MTFR1: variants seen among roughly 807,000 people sequenced by gnomAD.
The protein encoded by MTFR1 is chondrocyte protein with a poly-proline region.
Under a neutral mutation model 38.8 loss-of-function variants are expected in MTFR1, and 28 were observed. That is an observed-to-expected ratio of 0.72 (90% CI 0.53 to 0.99). The LOEUF (loss-of-function observed/expected upper bound fraction) is 0.99. Ranked by LOEUF, MTFR1 falls within the 50% of genes least tolerant of loss-of-function variation. The pLI, the probability that MTFR1 is intolerant of heterozygous loss-of-function variation, is 0.00. For missense variants in MTFR1, 358 were observed against 395.5 expected, an observed-to-expected ratio of 0.91 and a Z score of 0.81; for synonymous variants, 145 against 137.0, an observed-to-expected ratio of 1.06 and a Z score of -0.41.
At chr8:65,705,495 A>G (rs934850505) in intron 5 of MTFR1, among the ~76,000 whole-genome samples, 1 of 152,192 alleles carries the variant, frequency 6.6e-6, no homozygotes, top group Non-Finnish European at 1.5e-5. Flanking sequence ...TTGAATTGCT[A>G]TATAGTGGAT....
chr8:65,758,740 G>A (rs865935050), intron 3 of MTFR1, among the ~76,000 whole-genome samples: 9 of 152,194 alleles, frequency 5.9e-5, no homozygotes, highest in African/African-American at 2.2e-4. Context: ...TCTGACAACT[G>A]TTGGCCACCG....
chr8:65,689,595 C>T (rs1466586812), intron 3 of MTFR1: 3 of 1,276,140 alleles, frequency 2.4e-6, no homozygotes, highest in Non-Finnish European at 3.0e-6. Context: ...TGCTGGGAAC[C>T]TTCAGTAAGT....
chr8:65,646,180 C>T (rs10102573), intron 1 of MTFR1, among the ~76,000 whole-genome samples: 4,678 of 152,128 alleles, frequency 0.031, 248 homozygotes, highest in African/African-American at 0.11. Context: ...TTGTTTCCAC[C>T]TACTCATTTA....
rs558004401 is a variant in MTFR1, at chr8:65,669,809, T to C, written c.-80-64T>C. 1.7e-4 allele frequency: 126 copies of C among 723,382 alleles called. No homozygotes were observed. The South Asian group carries it at 2.1e-3, about 12-fold the overall frequency. The allele number at this position is 723,382 out of a possible 1,614,324, so 44.8% of individuals were successfully genotyped here. A position where few individuals can be genotyped will look rare whatever the true frequency, so the allele number is the denominator to read the frequency against. The stretch of plus-strand genomic sequence containing the variant: ...TGTTTTAGGCTTGCTCTGTGAGACA[T>C]GTAGACAGTACAAATTCTAAATAAT... On this transcript the variant is annotated intron_variant, in intron 1 of 7. Transcript: ENST00000262146.
intron 3 of MTFR1, among the ~76,000 whole-genome samples, chr8:65,757,605 T>C (rs1122354): frequency 0.095 from 14,265 of 149,470 alleles, 1,698 homozygotes; most frequent in East Asian, 0.5. Flanking sequence ...ACTTTGTTTT[T>C]GTTTTGTTTT....
At chr8:65,660,506 AAGAG>A (rs917754635) in intron 1 of MTFR1, among the ~76,000 whole-genome samples, 1 of 152,016 alleles carries the variant, frequency 6.6e-6, no homozygotes, top group Admixed American at 6.6e-5. Flanking sequence ...ATAAAAGACA[AAGAG>A]AGAGCAAATT....
intron 3 of MTFR1, among the ~76,000 whole-genome samples, chr8:65,757,983 C>T (rs560026435): frequency 6.6e-6 from 1 of 152,258 alleles, no homozygotes; most frequent in Admixed American, 6.5e-5. Flanking sequence ...CATTTATTTA[C>T]CCTCAGTTAT....
rs559891992 is a variant in MTFR1 at position 65,655,722 on chromosome 8, G to C, written c.-81+10938G>C. 2.0e-5 allele frequency among the ~76,000 whole-genome samples: 3 copies of C among 151,578 alleles called. No individual in the cohort carries two copies. In the East Asian group the frequency reaches 5.8e-4, roughly 29 times the overall value. ...CCCAGCACTTTGGGAGGCTGAGGTA[G>C]GTAGATAACCTGAGGTCAGGAGTTT... On this transcript the variant is annotated intron_variant, in intron 1 of 7. Transcript: ENST00000262146.
chr8:65,704,320 TATAG>T, intron 4 of MTFR1, among the ~76,000 whole-genome samples: 1 of 152,236 alleles, frequency 6.6e-6, no homozygotes, highest in East Asian at 1.9e-4. Context: ...TATGGGGAGA[TATAG>T]AAAGTTAATC....
chr8:65,674,001 G>A lies in MTFR1; in HGVS notation c.66+3983G>A, dbSNP rs139059949. Among the ~76,000 whole-genome samples the A allele has an allele frequency of 9.4e-3, 1,438 of 152,330 alleles. 13 individuals carry two copies. Among genetic ancestry groups the A allele is most frequent in the Non-Finnish European group, 0.015 (1,035 of 68,032 alleles). ...GAGCACATGCTGTTGGAGAAATGGCGTCAGTAGACTTGGCTTGACACAAGG... is the reference window on the plus strand; with the variant it reads ...GAGCACATGCTGTTGGAGAAATGGCATCAGTAGACTTGGCTTGACACAAGG... On this transcript the variant is annotated intron_variant, in intron 2 of 7. Coordinates refer to ENST00000262146, the MANE Select transcript of MTFR1 (RefSeq NM_014637.4).
intron 3 of MTFR1, among the ~76,000 whole-genome samples, chr8:65,738,411 CAGA>C (rs1313892838): frequency 5.9e-5 from 9 of 152,154 alleles, no homozygotes; most frequent in Admixed American, 3.9e-4. Context: ...AGGACTTTCT[CAGA>C]AGTTCTCCTA....
At chr8:65,679,983 A>C (rs957939820) in intron 2 of MTFR1, among the ~76,000 whole-genome samples, 2 of 152,194 alleles carry the variant, frequency 1.3e-5, no homozygotes, top group African/African-American at 4.8e-5. Context: ...TTTCCGAAGC[A>C]AGAGCTATCA....
At chr8:65,712,791 G>A (rs1254642642), downstream of MTFR1, among the ~76,000 whole-genome samples, 2 of 152,150 alleles carry the variant, frequency 1.3e-5, no homozygotes, top group Admixed American at 6.5e-5. Flanking sequence ...CTAGTTTCTG[G>A]TTCTTTGTTC....
chr8:65,679,755 T>C (rs1804821603), intron 2 of MTFR1: 1 of 152,218 alleles, frequency 6.6e-6, no homozygotes, highest in East Asian at 1.9e-4. Context: ...AGGCTTCCCA[T>C]TTTTCTCTAG....
At chr8:65,724,982 T>C in intron 3 of MTFR1, 1 of 1,147,432 alleles carries the variant, frequency 8.7e-7, no homozygotes, top group East Asian at 2.7e-5. Context: ...TTATTGATTT[T>C]TTTTCTTAAC....
chr8:65,716,222 TTTA>T (rs1806140366), intron 2 of MTFR1, among the ~76,000 whole-genome samples: 1 of 150,830 alleles, frequency 6.6e-6, no homozygotes, highest in East Asian at 1.9e-4. Flanking sequence ...TTTCAATGGG[TTTA>T]TTATATGTGT....
intron 3 of MTFR1, among the ~76,000 whole-genome samples, chr8:65,765,048 G>A (rs1318395473): frequency 6.6e-6 from 1 of 152,186 alleles, no homozygotes; most frequent in East Asian, 1.9e-4. Context: ...CTATGAGCCA[G>A]AAGCTGCCAG....
chr8:65,669,257 C>T (rs1431389148), intron 1 of MTFR1, among the ~76,000 whole-genome samples: 2 of 152,144 alleles, frequency 1.3e-5, no homozygotes, highest in Non-Finnish European at 2.9e-5. Context: ...TGCGTGGACC[C>T]TGTCTGTGGT....
chr8:65,653,799 T>C (rs1274303810), intron 1 of MTFR1, among the ~76,000 whole-genome samples: 1 of 151,906 alleles, frequency 6.6e-6, no homozygotes. Context: ...GTATGGTGGC[T>C]CATGCCTGTA....
Sources: allele counts gnomAD v4.1 joint callset (sites outside exome capture counted in the v4.1 genomes callset), GRCh38; gene constraint gnomAD v4.1.1; transcripts MANE v1.5; gene names NCBI Gene and HGNC (gene_info 2026-07-23, HGNC 2026-07-21).